FHOD3: variants seen among roughly 807,000 people sequenced by gnomAD.
The protein encoded by FHOD3 is formin homology 2 domain containing 3.
A neutral mutation model predicts 173.0 loss-of-function variants in FHOD3; 90 were observed. The observed-to-expected ratio is 0.52, with a 90% CI of 0.44 to 0.62. The LOEUF (loss-of-function observed/expected upper bound fraction) is 0.62, where lower values mean the gene tolerates loss of function less well. Ranked by LOEUF, FHOD3 falls within the 20% of genes least tolerant of loss-of-function variation. The pLI is 0.00. For synonymous variants in FHOD3, 828 were observed against 823.0 expected (o/e 1.01, Z -0.10); for missense variants, 1,945 against 2,034.7 (o/e 0.96, Z 0.85).
chr18:36,504,330 ATCAC>A (rs1437131603), intron 4 of FHOD3, among the ~76,000 whole-genome samples: 1 of 152,104 alleles, frequency 6.6e-6, no homozygotes, highest in Non-Finnish European at 1.5e-5. Flanking sequence ...TCTCAGAATG[ATCAC>A]TCACCCTAAT....
intron 6 of FHOD3, 42 bp downstream of exon 6, chr18:36,576,587 A>G (rs747715567): frequency 3.4e-6 from 5 of 1,467,990 alleles, no homozygotes; most frequent in Middle Eastern, 1.8e-4. Flanking sequence ...CACTTGTCAT[A>G]TCACTTGCCT....
rs1021403581 is a variant in FHOD3, at chr18:36,652,773, G to A, written c.1490G>A (p.Arg497Gln). 43 of 1,535,746 alleles carry A rather than the reference G, an allele frequency of 2.8e-5. No homozygotes were observed. Among genetic ancestry groups the A allele is most frequent in the Middle Eastern group, 1.7e-4 (1 of 6,004 alleles). Residue 497 changes from arginine (R) to glutamine (Q), a missense_variant, in exon 12 of 29, where the codon CGG becomes CAG. Transcript: ENST00000590592. ...CTGTCACCCCCTGCCTCAGCTGCTC[G>A]GCCCTCCTCCGCCACACCAGGCTCC... is the stretch of plus-strand genomic sequence containing the variant. ...ALLSPPASAA[R>Q]PSSATPGSLK...
intron 14 of FHOD3, among the ~76,000 whole-genome samples, chr18:36,667,778 C>G (rs369707773): frequency 1.2e-4 from 18 of 152,068 alleles, no homozygotes; most frequent in East Asian, 9.6e-4. Context: ...TGAGGCTACA[C>G]TAACGTTATT....
chr18:36,470,738 G>A (rs1471739901), intron 3 of FHOD3, among the ~76,000 whole-genome samples: 1 of 152,210 alleles, frequency 6.6e-6, no homozygotes, highest in Non-Finnish European at 1.5e-5. Flanking sequence ...TTTAGTTCAG[G>A]CTCAGCTCAG....
intron 6 of FHOD3, among the ~76,000 whole-genome samples, chr18:36,590,293 G>A (rs1162486684): frequency 6.6e-6 from 1 of 152,150 alleles, no homozygotes; most frequent in Non-Finnish European, 1.5e-5. Context: ...CCTCCACTGT[G>A]GCTGTTCCAA....
At chr18:36,703,400 A>G (rs111923360) in intron 17 of FHOD3, among the ~76,000 whole-genome samples, 4 of 152,306 alleles carry the variant, frequency 2.6e-5, no homozygotes, top group African/African-American at 9.6e-5. Flanking sequence ...AGCATGGATC[A>G]AACAGTCAGA....
chr18:36,463,364 AAT>A (rs1190670631), intron 3 of FHOD3, among the ~76,000 whole-genome samples: 3 of 152 alleles, frequency 0.02, no homozygotes, highest in African/African-American at 0.11. Flanking sequence ...TATTTAAAAA[AAT>A]AATATATATT....
chr18:36,306,838 C>G (rs907132950), intron 1 of FHOD3, among the ~76,000 whole-genome samples: 1 of 152,226 alleles, frequency 6.6e-6, no homozygotes, highest in Admixed American at 6.5e-5. Context: ...GTCTGCTCAT[C>G]CCAGCCATTT....
chr18:36,653,029 G>A (rs1348606986), intron 12 of FHOD3, 100 bp downstream of exon 12: 2 of 1,418,886 alleles, frequency 1.4e-6, no homozygotes, highest in Non-Finnish European at 1.8e-6. Context: ...ATGTTTTTTT[G>A]TGGATTTCAG....
chr18:36,688,289 A>G (rs1034278120), intron 16 of FHOD3, among the ~76,000 whole-genome samples: 11 of 152,192 alleles, frequency 7.2e-5, no homozygotes, highest in Admixed American at 7.2e-4. Flanking sequence ...CCAGCTGGGA[A>G]CCTAACAATT....
chr18:36,408,493 G>T (rs907379356), intron 3 of FHOD3, among the ~76,000 whole-genome samples: 1 of 152,268 alleles, frequency 6.6e-6, no homozygotes, highest in Non-Finnish European at 1.5e-5. Context: ...GGCATGGGGG[G>T]GTACAGGGGA....
intron 9 of FHOD3, among the ~76,000 whole-genome samples, chr18:36,617,322 A>G (rs1355466539): frequency 6.6e-6 from 1 of 152,198 alleles, no homozygotes; most frequent in Non-Finnish European, 1.5e-5. Flanking sequence ...GTCTGCCCCT[A>G]AACAATGTAT....
At chr18:36,689,879 T>G (rs2038853897) in intron 16 of FHOD3, among the ~76,000 whole-genome samples, 1 of 152,214 alleles carries the variant, frequency 6.6e-6, no homozygotes, top group South Asian at 2.1e-4. Flanking sequence ...GAAAGGGTTC[T>G]GAGCCTTGCT....
chr18:36,759,024 A>G (rs2042755070), intron 25 of FHOD3, 94 bp from the exon 26 acceptor site: 1 of 1,356,734 alleles, frequency 7.4e-7, no homozygotes, highest in African/African-American at 1.4e-5. Context: ...TTGGAATTTT[A>G]TGTGACATTG....
chr18:36,705,592 C>T (rs1033545672), intron 17 of FHOD3, among the ~76,000 whole-genome samples: 6 of 152,176 alleles, frequency 3.9e-5, no homozygotes, highest in African/African-American at 1.2e-4. Context: ...ACGGATATCA[C>T]GGCAGGTTGT....
intron 5 of FHOD3, among the ~76,000 whole-genome samples, chr18:36,528,899 C>G (rs985441725): frequency 2.0e-5 from 3 of 152,212 alleles, no homozygotes; most frequent in Non-Finnish European, 4.4e-5. Flanking sequence ...ACATCACTGT[C>G]CATCTCATTT....
chr18:36,576,931 A>G (rs532351672), intron 6 of FHOD3, among the ~76,000 whole-genome samples: 107 of 152,220 alleles, frequency 7.0e-4, no homozygotes, highest in African/African-American at 2.1e-3. Context: ...TGTCTCTACT[A>G]AAAATATAAA....
At chr18:36,479,186 T>A (rs2053748694) in intron 3 of FHOD3, among the ~76,000 whole-genome samples, 1 of 152,218 alleles carries the variant, frequency 6.6e-6, no homozygotes, top group Non-Finnish European at 1.5e-5. Flanking sequence ...ATGAGCCACA[T>A]GCATAAATTA....
chr18:36,362,645 G>A (rs1248033216), intron 2 of FHOD3, among the ~76,000 whole-genome samples: 1 of 152,094 alleles, frequency 6.6e-6, no homozygotes, highest in Non-Finnish European at 1.5e-5. Context: ...ATGCAGGTGA[G>A]GAGAGGACCA....
Sources: allele counts gnomAD v4.1 joint callset (sites outside exome capture counted in the v4.1 genomes callset), GRCh38; gene constraint gnomAD v4.1.1; transcripts MANE v1.5; gene names NCBI Gene and HGNC (gene_info 2026-07-23, HGNC 2026-07-21).